The following AGTPBP1 variants were observed in gnomAD, a reference collection of about 807,000 sequenced individuals.
AGTPBP1 encodes ATP/GTP binding carboxypeptidase 1, also known as cytosolic carboxypeptidase 1.
In AGTPBP1, 70 loss-of-function variants were observed where a neutral mutation model predicts 143.9. The observed-to-expected ratio is 0.49, with a 90% CI of 0.40 to 0.59. AGTPBP1 has a LOEUF of 0.59. AGTPBP1 is among the 20% of genes least tolerant of loss of function. AGTPBP1 has a pLI of 0.00. For missense variants in AGTPBP1, 1,229 were observed against 1,464.5 expected (o/e 0.84, Z 2.62); for synonymous variants, 463 against 500.2 (o/e 0.93, Z 0.99).
At chr9:85,597,612 A>C (rs535455294) in intron 17 of AGTPBP1, among the ~76,000 whole-genome samples, 2 of 152,278 alleles carry the variant, frequency 1.3e-5, no homozygotes, top group South Asian at 4.1e-4. Context: ...ACATGTATTA[A>C]GTAATTAAAT....
intron 14 of AGTPBP1, among the ~76,000 whole-genome samples, chr9:85,622,617 T>A (rs917837831): frequency 6.6e-6 from 1 of 152,102 alleles, no homozygotes; most frequent in African/African-American, 2.4e-5. Flanking sequence ...CTATAAAAAA[T>A]AACTCATTAC....
At chr9:85,552,261 T>A (rs977517561) in intron 25 of AGTPBP1, among the ~76,000 whole-genome samples, 1 of 152,164 alleles carries the variant, frequency 6.6e-6, no homozygotes, top group African/African-American at 2.4e-5. Flanking sequence ...GGTTTATAAT[T>A]CCAACTGATT....
At chr9:85,602,706 AC>A (rs1405995654) in intron 17 of AGTPBP1, among the ~76,000 whole-genome samples, 2 of 152,180 alleles carry the variant, frequency 1.3e-5, no homozygotes, top group Non-Finnish European at 2.9e-5. Flanking sequence ...GCAAGAAAGC[AC>A]CTTTTTAAGA....
chr9:85,772,168 G>T, the AGTPBP1 span, among the ~76,000 whole-genome samples: 1 of 147,682 alleles, frequency 6.8e-6, no homozygotes, highest in Non-Finnish European at 1.5e-5. Context: ...TAGAGATGGG[G>T]TTTCACCATG....
the AGTPBP1 span, among the ~76,000 whole-genome samples, chr9:85,763,614 A>T: frequency 1.1e-4 from 17 of 152,070 alleles, no homozygotes; most frequent in African/African-American, 4.1e-4. Context: ...AATGTAACTT[A>T]TATTGGGAGA....
At chr9:85,721,776 T>C (rs1175604078) in intron 1 of AGTPBP1, among the ~76,000 whole-genome samples, 2 of 152,224 alleles carry the variant, frequency 1.3e-5, no homozygotes, top group African/African-American at 2.4e-5. Flanking sequence ...TGATGGTCTT[T>C]ACAATTTGGC....
At chr9:85,764,962 G>A in the AGTPBP1 span, 1 of 787,292 alleles carries the variant, frequency 1.3e-6, no homozygotes, top group African/African-American at 1.7e-5. Flanking sequence ...GGTGCTGTAT[G>A]ATGGATCACT....
intron 17 of AGTPBP1, among the ~76,000 whole-genome samples, chr9:85,602,062 A>G (rs1399996155): frequency 1.3e-5 from 2 of 152,236 alleles, no homozygotes; most frequent in East Asian, 1.9e-4. Context: ...TGTGCCAATA[A>G]TAACATAAGG....
At chr9:85,723,974 C>A (rs1252650610) in intron 1 of AGTPBP1, among the ~76,000 whole-genome samples, 4 of 152,124 alleles carry the variant, frequency 2.6e-5, no homozygotes, top group African/African-American at 9.7e-5. Flanking sequence ...TTAAACTTTC[C>A]AGCCACCAGA....
At chr9:85,761,693 C>G in the AGTPBP1 span, among the ~76,000 whole-genome samples, 1 of 152,158 alleles carries the variant, frequency 6.6e-6, no homozygotes, top group Non-Finnish European at 1.5e-5. Context: ...CTAGGCAATA[C>G]CATTCAGAAC....
intron 25 of AGTPBP1, among the ~76,000 whole-genome samples, chr9:85,569,681 T>C (rs1827338423): frequency 6.6e-6 from 1 of 152,194 alleles, no homozygotes; most frequent in Non-Finnish European, 1.5e-5. Context: ...GCGTGTCATA[T>C]TACACTGGAA....
chr9:85,592,780 G>C, intron 18 of AGTPBP1, 76 bp from the exon 19 acceptor site: 1 of 1,525,508 alleles, frequency 6.6e-7, no homozygotes. Context: ...TTATTAAATA[G>C]AACTTCAGGG....
intron 25 of AGTPBP1, among the ~76,000 whole-genome samples, chr9:85,573,094 C>T (rs1410079026): frequency 3.3e-5 from 5 of 151,968 alleles, no homozygotes; most frequent in Non-Finnish European, 7.4e-5. Flanking sequence ...CTCTCCCTCC[C>T]CCTCCCCTTC....
intron 11 of AGTPBP1, among the ~76,000 whole-genome samples, chr9:85,648,785 C>A (rs1377907134): frequency 6.6e-6 from 1 of 152,028 alleles, no homozygotes; most frequent in Non-Finnish European, 1.5e-5. Context: ...GCACTCCAGC[C>A]TGGGCAACAG....
chr9:85,724,451 GAACA>G (rs1204349021), intron 1 of AGTPBP1, among the ~76,000 whole-genome samples: 5 of 152,164 alleles, frequency 3.3e-5, no homozygotes, highest in East Asian at 1.9e-4. Context: ...GTTTTTGAGA[GAACA>G]ATCAGTTTAT....
intron 25 of AGTPBP1, among the ~76,000 whole-genome samples, chr9:85,558,524 T>C (rs1417626775): frequency 6.6e-6 from 1 of 152,248 alleles, no homozygotes; most frequent in African/African-American, 2.4e-5. Context: ...TATTTTTGAT[T>C]ATATGTCAGT....
intron 17 of AGTPBP1, among the ~76,000 whole-genome samples, chr9:85,603,338 G>C (rs1829788157): frequency 6.6e-6 from 1 of 152,158 alleles, no homozygotes; most frequent in South Asian, 2.1e-4. Flanking sequence ...AGTAAAACAG[G>C]GTACCAGGCA....
At chr9:85,632,145 A>G (rs1210463387) in intron 14 of AGTPBP1, among the ~76,000 whole-genome samples, 2 of 152,076 alleles carry the variant, frequency 1.3e-5, no homozygotes, top group Non-Finnish European at 2.9e-5. Context: ...ACAGACATAC[A>G]ATGCGTAATA....
intron 21 of AGTPBP1, among the ~76,000 whole-genome samples, 182 bp downstream of exon 21, chr9:85,588,116 C>T (rs1158642449): frequency 6.6e-6 from 1 of 152,120 alleles, no homozygotes; most frequent in Non-Finnish European, 1.5e-5. Context: ...TCAATAATTT[C>T]ATATCGCTAA....
Sources: allele counts gnomAD v4.1 joint callset (sites outside exome capture counted in the v4.1 genomes callset), GRCh38; gene constraint gnomAD v4.1.1; transcripts MANE v1.5; gene names NCBI Gene and HGNC (gene_info 2026-07-23, HGNC 2026-07-21).